Variants in ABCB1 observed in about 807,000 individuals in gnomAD.
ABCB1 encodes the protein ATP-dependent translocase ABCB1.
In ABCB1, 69 loss-of-function variants were observed where a neutral mutation model predicts 142.0. The ratio of observed to expected loss-of-function variants is 0.49; its 90% confidence interval spans 0.40 to 0.59. The LOEUF (loss-of-function observed/expected upper bound fraction) is 0.59. Among genes scored for constraint, ABCB1 ranks in the 20% least tolerant of loss-of-function variants. ABCB1 has a pLI of 0.00. For synonymous variants in ABCB1, 532 were observed against 539.2 expected (o/e 0.99, Z 0.18); for missense variants, 1,326 against 1,554.7 (o/e 0.85, Z 2.47).
At chr7:87,550,938 A>G (rs767218665) in intron 9 of ABCB1, 100 bp from the exon 10 acceptor site, 1 of 757,140 alleles carries the variant, frequency 1.3e-6, no homozygotes, top group Non-Finnish European at 2.3e-6. Flanking sequence ...ATTAAAATTT[A>G]AAATGGCGAG....
At chr7:87,672,075 T>C (rs1381116845) in intron 1 of ABCB1, among the ~76,000 whole-genome samples, 1 of 152,062 alleles carries the variant, frequency 6.6e-6, no homozygotes, top group Admixed American at 6.6e-5. Context: ...ATCCCAAAGA[T>C]GGGAATGACT....
chr7:87,694,093 T>G lies in ABCB1; in HGVS notation c.-331+19068A>C. The G allele has an allele frequency of 3.4e-6, 5 of 1,489,516 alleles. No individual in the cohort carries two copies. In the South Asian group the frequency reaches 5.3e-5, roughly 16 times the overall value. The allele number at this position is 1,489,516 out of a possible 1,614,324, so 92.3% of individuals were successfully genotyped here. A position where few individuals can be genotyped will look rare whatever the true frequency, so the allele number is the denominator to read the frequency against. On this transcript the variant is annotated intron_variant, in intron 1 of 28. Transcript: ENST00000265724. ...GTTTTGTAAAGCCTTCTTTTTTGTG[T>G]GTTTTTGTTTTTTTTTTTTAATCCA...
In ABCB1 at chr7:87,684,420, T is replaced by G. The variant is rs879649323; in HGVS notation, c.-331+28741A>C. Among the ~76,000 whole-genome samples, 18 of 152,142 alleles carry G rather than the reference T, an allele frequency of 1.2e-4. No homozygotes were observed. In the South Asian group the frequency reaches 1.2e-3, roughly 10 times the overall value. On this transcript the variant is annotated intron_variant, in intron 1 of 28. Coordinates refer to the ABCB1 transcript ENST00000265724. ...AAGTTGGAAACTCAAATTATCTGAT[T>G]TTAAGACTTACTGTTAAGATGCAGT...
intron 1 of ABCB1, among the ~76,000 whole-genome samples, chr7:87,620,314 C>T (rs1368403231): frequency 6.6e-6 from 1 of 152,090 alleles, no homozygotes; most frequent in Non-Finnish European, 1.5e-5. Flanking sequence ...CGCGTGCCAC[C>T]ACACCCAGCT....
At chr7:87,711,035 A>T (rs1437850525) in intron 1 of ABCB1, among the ~76,000 whole-genome samples, 1 of 152,022 alleles carries the variant, frequency 6.6e-6, no homozygotes, top group Non-Finnish European at 1.5e-5. Context: ...GCTTGTAAAG[A>T]ATATACATTG....
At chr7:87,574,779 A>G (rs1818206002) in intron 4 of ABCB1, among the ~76,000 whole-genome samples, 1 of 152,210 alleles carries the variant, frequency 6.6e-6, no homozygotes, top group Admixed American at 6.5e-5. Context: ...ACTCCGTAGT[A>G]ATTGACAGAT....
chr7:87,710,861 C>A (rs1830009040), intron 1 of ABCB1, among the ~76,000 whole-genome samples: 1 of 152,176 alleles, frequency 6.6e-6, no homozygotes. Flanking sequence ...AAAAGATACA[C>A]ATTACGCCTG....
In ABCB1 at chr7:87,697,256, C is replaced by T. The variant is rs544055733; in HGVS notation, c.-331+15905G>A. Among the ~76,000 whole-genome samples, 4 of 152,218 alleles carry T rather than the reference C, an allele frequency of 2.6e-5. No individual in the cohort carries two copies. In the South Asian group the frequency reaches 6.2e-4, roughly 24 times the overall value. On this transcript the variant is annotated intron_variant, in intron 1 of 28. Coordinates refer to the ABCB1 transcript ENST00000265724. ...TGGCTAATACAATGTTGTATTTTCC[C>T]TTGCCTATTTCTCTGACTTCTGTTT...
rs146698539 is a variant in ABCB1, at chr7:87,611,035, C to T, written c.-330-9957G>A. On this transcript the variant is annotated intron_variant, in intron 1 of 28. Coordinates refer to the ABCB1 transcript ENST00000265724. ...TGGGCTACTTTAACTAGTTTCTCCACATTTACTCTGGTCTTCTTCTAATTA... is the reference window on the plus strand; with the variant it reads ...TGGGCTACTTTAACTAGTTTCTCCATATTTACTCTGGTCTTCTTCTAATTA... 7.1e-3 allele frequency among the ~76,000 whole-genome samples: 1,085 copies of T among 152,324 alleles called. 33 individuals carry two copies. The highest frequency in any genetic ancestry group is 0.06 in the Admixed American group (925 of 15,306).
chr7:87,626,940 T>A (rs918781366), intron 1 of ABCB1, among the ~76,000 whole-genome samples: 2 of 152,012 alleles, frequency 1.3e-5, no homozygotes, highest in African/African-American at 2.4e-5. Context: ...CACACCCGGC[T>A]AATTTTTGTA....
intron 3 of ABCB1, among the ~76,000 whole-genome samples, chr7:87,593,224 A>C (rs569976919): frequency 6.6e-6 from 1 of 152,258 alleles, no homozygotes; most frequent in Non-Finnish European, 1.5e-5. Flanking sequence ...ACAGCACCTG[A>C]CCAAGAGTGT....
chr7:87,625,987 T>C (rs960415294), intron 1 of ABCB1, among the ~76,000 whole-genome samples: 6 of 145,924 alleles, frequency 4.1e-5, no homozygotes, highest in African/African-American at 1.5e-4. Context: ...TATATATATA[T>C]GTACATATAT....
chr7:87,613,562 C>T (rs959222162), intron 1 of ABCB1, among the ~76,000 whole-genome samples: 1 of 152,050 alleles, frequency 6.6e-6, no homozygotes, highest in African/African-American at 2.4e-5. Flanking sequence ...ATGTCTTTTG[C>T]TGCAACAAGG....
chr7:87,637,032 C>T (rs1821842760), intron 1 of ABCB1, among the ~76,000 whole-genome samples: 1 of 152,138 alleles, frequency 6.6e-6, no homozygotes, highest in Non-Finnish European at 1.5e-5. Flanking sequence ...ACCATCAGCT[C>T]TCGTGAGCTC....
At chr7:87,577,169 T>C (rs1159956359) in intron 4 of ABCB1, among the ~76,000 whole-genome samples, 1 of 152,206 alleles carries the variant, frequency 6.6e-6, no homozygotes, top group African/African-American at 2.4e-5. Flanking sequence ...AAATGTGAAG[T>C]TCGTCTTTCT....
At chr7:87,682,971 C>T (rs1275930951) in intron 1 of ABCB1, among the ~76,000 whole-genome samples, 1 of 152,170 alleles carries the variant, frequency 6.6e-6, no homozygotes, top group East Asian at 1.9e-4. Context: ...GTGTAGCCAC[C>T]TTCATCAGTT....
chr7:87,658,364 T>C (rs1300318923), intron 1 of ABCB1, among the ~76,000 whole-genome samples: 4 of 152,104 alleles, frequency 2.6e-5, no homozygotes, highest in African/African-American at 4.8e-5. Flanking sequence ...AGAGAGAAAT[T>C]AGACTTGTTA....
chr7:87,543,762 A>T (rs899374483), intron 17 of ABCB1, among the ~76,000 whole-genome samples: 1 of 152,242 alleles, frequency 6.6e-6, no homozygotes, highest in Non-Finnish European at 1.5e-5. Flanking sequence ...TGCATTCTCA[A>T]GCCAGCCTGA....
chr7:87,575,421 A>G (rs1303250332), intron 4 of ABCB1, among the ~76,000 whole-genome samples: 3 of 152,136 alleles, frequency 2.0e-5, no homozygotes, highest in Admixed American at 2.0e-4. Context: ...CTCTAATATC[A>G]TCGGATTTCT....
Sources: allele counts gnomAD v4.1 joint callset (sites outside exome capture counted in the v4.1 genomes callset), GRCh38; gene constraint gnomAD v4.1.1; transcripts MANE v1.5; gene names NCBI Gene and HGNC (gene_info 2026-07-23, HGNC 2026-07-21).